The following MCC variants were observed in gnomAD, a reference collection of about 807,000 sequenced individuals.
MCC encodes MCC regulator of Wnt signaling pathway, also known as colorectal mutant cancer protein.
In MCC, 90 loss-of-function variants were observed where a neutral mutation model predicts 116.2. The ratio of observed to expected loss-of-function variants is 0.77; its 90% confidence interval spans 0.65 to 0.92. The LOEUF (loss-of-function observed/expected upper bound fraction) is 0.92. Among genes scored for constraint, MCC ranks in the 40% least tolerant of loss-of-function variants. The probability of loss-of-function intolerance (pLI) is 0.00; values close to 1 mark genes in which losing one functional copy is unlikely to be tolerated. For missense variants in MCC, 1,516 were observed against 1,312.2 expected (o/e 1.16, Z -2.40); for synonymous variants, 578 against 510.5 (o/e 1.13, Z -1.78).
At chr5:113,135,459 T>A (rs1758757633) in intron 5 of MCC, among the ~76,000 whole-genome samples, 1 of 146,856 alleles carries the variant, frequency 6.8e-6, no homozygotes, top group South Asian at 2.2e-4. Context: ...CTCGGGAGGC[T>A]GAGGCAGGAG....
At chr5:113,042,686 G>C (rs1751797970) in intron 17 of MCC, among the ~76,000 whole-genome samples, 1 of 151,706 alleles carries the variant, frequency 6.6e-6, no homozygotes, top group South Asian at 2.1e-4. Flanking sequence ...TGATAGGGCA[G>C]CCACAACCAT....
intron 3 of MCC, among the ~76,000 whole-genome samples, chr5:113,327,561 A>AAAATATATATATATATATAT (rs1480996383): frequency 5.1e-4 from 41 of 80,540 alleles, no homozygotes; most frequent in Non-Finnish European, 9.7e-4. Context: ...AAAAAAAAAA[A>AAAATATATATATATATATAT]ATATATATAT....
At chr5:113,124,025 T>A (rs1034780572) in intron 5 of MCC, among the ~76,000 whole-genome samples, 3 of 152,090 alleles carry the variant, frequency 2.0e-5, no homozygotes, top group African/African-American at 7.2e-5. Context: ...AGAACAGAAA[T>A]CTTGGTTCTC....
intron 8 of MCC, among the ~76,000 whole-genome samples, chr5:113,086,740 A>G (rs140695313): frequency 1.1e-3 from 172 of 149,890 alleles, no homozygotes; most frequent in African/African-American, 4.2e-3. Context: ...AACTAACTAC[A>G]ACACCCAGCG....
chr5:113,256,318 A>G (rs550697212), intron 3 of MCC, among the ~76,000 whole-genome samples: 1 of 152,350 alleles, frequency 6.6e-6, no homozygotes, highest in South Asian at 2.1e-4. Context: ...AGTATCTACT[A>G]TATCAGATAC....
At chr5:113,485,402 T>G (rs1189668360) in intron 1 of MCC, among the ~76,000 whole-genome samples, 1 of 152,210 alleles carries the variant, frequency 6.6e-6, no homozygotes, top group Admixed American at 6.5e-5. Flanking sequence ...AGATTTTGTT[T>G]AGGAGGTAAT....
intron 3 of MCC, among the ~76,000 whole-genome samples, chr5:113,164,920 A>C (rs1760690889): frequency 6.6e-6 from 1 of 152,198 alleles, no homozygotes. Flanking sequence ...GCCTGGCACC[A>C]GAGGTAAGAA....
chr5:113,085,878 T>C (rs577950467), intron 8 of MCC, among the ~76,000 whole-genome samples: 6 of 152,254 alleles, frequency 3.9e-5, no homozygotes, highest in South Asian at 2.1e-4. Context: ...TTTGTAAAGA[T>C]AGAGTCTCGC....
chr5:113,101,450 A>G (rs1340412057), intron 8 of MCC: 1 of 395,742 alleles, frequency 2.5e-6, no homozygotes, highest in Admixed American at 4.1e-5. Context: ...GAGCTTAGAA[A>G]AGATGTGCTT....
intron 1 of MCC, among the ~76,000 whole-genome samples, chr5:113,467,776 G>A (rs1771958137): frequency 6.6e-6 from 1 of 152,198 alleles, no homozygotes; most frequent in Non-Finnish European, 1.5e-5. Context: ...ACCTTGGGCA[G>A]TATGGCCATT....
At chr5:113,240,768 A>G (rs989824877) in intron 3 of MCC, among the ~76,000 whole-genome samples, 1 of 152,238 alleles carries the variant, frequency 6.6e-6, no homozygotes, top group Non-Finnish European at 1.5e-5. Flanking sequence ...TGAGGAGCAG[A>G]TGGAGGTCTG....
chr5:113,174,477 T>C (rs1038599089), intron 3 of MCC, among the ~76,000 whole-genome samples: 2 of 152,156 alleles, frequency 1.3e-5, no homozygotes, highest in Admixed American at 1.3e-4. Flanking sequence ...AACGAACACA[T>C]TAATGCCCAT....
intron 15 of MCC, among the ~76,000 whole-genome samples, chr5:113,050,257 G>T (rs924946516): frequency 2.0e-5 from 3 of 152,178 alleles, no homozygotes; most frequent in African/African-American, 7.2e-5. Context: ...TCCCTTTCAA[G>T]GTGAGCCCAC....
chr5:113,269,212 C>G (rs1765522625), intron 3 of MCC: 2 of 985,382 alleles, frequency 2.0e-6, no homozygotes, highest in Non-Finnish European at 2.4e-6. Context: ...TCCCTGGCGT[C>G]AGGGCCCCGC....
chr5:113,127,698 T>C (rs1183314605), intron 5 of MCC, among the ~76,000 whole-genome samples: 3 of 152,212 alleles, frequency 2.0e-5, no homozygotes, highest in African/African-American at 7.2e-5. Flanking sequence ...ATGGGGTTGT[T>C]TTTCTCTTGT....
intron 13 of MCC, among the ~76,000 whole-genome samples, chr5:113,066,143 G>A (rs1176306786): frequency 1.3e-5 from 2 of 152,142 alleles, no homozygotes; most frequent in Non-Finnish European, 2.9e-5. Flanking sequence ...TATTGATTTT[G>A]AATATTTAAA....
chr5:113,263,928 A>T (rs1765310734), intron 3 of MCC, among the ~76,000 whole-genome samples: 1 of 151,032 alleles, frequency 6.6e-6, no homozygotes, highest in African/African-American at 2.5e-5. Flanking sequence ...AAAGAGAAGA[A>T]GAAAAAAAGA....
intron 3 of MCC, among the ~76,000 whole-genome samples, chr5:113,177,950 G>C (rs565133973): frequency 6.6e-6 from 1 of 152,256 alleles, no homozygotes; most frequent in African/African-American, 2.4e-5. Flanking sequence ...AATTACGAAA[G>C]AATTTTTTCT....
At chr5:113,393,963 A>C (rs1769463537) in intron 1 of MCC, among the ~76,000 whole-genome samples, 1 of 152,166 alleles carries the variant, frequency 6.6e-6, no homozygotes, top group African/African-American at 2.4e-5. Context: ...AATCTAATCT[A>C]AATCTGTGGC....
Sources: allele counts gnomAD v4.1 joint callset (sites outside exome capture counted in the v4.1 genomes callset), GRCh38; gene constraint gnomAD v4.1.1; transcripts MANE v1.5; gene names NCBI Gene and HGNC (gene_info 2026-07-23, HGNC 2026-07-21).